Variants in CDKAL1 observed in about 807,000 individuals in gnomAD.
CDKAL1 encodes CDKAL1 threonylcarbamoyladenosine tRNA methylthiotransferase.
In CDKAL1, 32 loss-of-function variants were observed where a neutral mutation model predicts 68.2. The ratio of observed to expected loss-of-function variants is 0.47; its 90% CI spans 0.35 to 0.63. The LOEUF (loss-of-function observed/expected upper bound fraction) is 0.63, where lower values mean the gene tolerates loss of function less well. Among genes scored for constraint, CDKAL1 ranks in the 30% least tolerant of loss-of-function variants. The pLI, the probability that CDKAL1 is intolerant of heterozygous loss-of-function variation, is 0.00. For missense variants in CDKAL1, 606 were observed against 696.7 expected (o/e 0.87, Z 1.47); for synonymous variants, 234 against 244.3 (o/e 0.96, Z 0.39).
chr6:20,608,721 C>T (rs565608817), intron 4 of CDKAL1, among the ~76,000 whole-genome samples: 12 of 152,292 alleles, frequency 7.9e-5, no homozygotes, highest in African/African-American at 2.4e-4. Flanking sequence ...CTTGGGGAAC[C>T]AGGTCAGGAA....
chr6:20,548,546 A>T, intron 3 of CDKAL1, 47 bp from the exon 4 acceptor site: 2 of 876,678 alleles, frequency 2.3e-6, no homozygotes, highest in Non-Finnish European at 1.9e-6. Context: ...AAAAAAAAAA[A>T]TCACTCAATG....
chr6:20,835,641 G>A (rs1057116434), intron 8 of CDKAL1, among the ~76,000 whole-genome samples: 1 of 152,198 alleles, frequency 6.6e-6, no homozygotes, highest in South Asian at 2.1e-4. Context: ...TCTGCCTCCT[G>A]AATTCAAGTG....
chr6:20,593,447 T>C (rs1257303295), intron 4 of CDKAL1, among the ~76,000 whole-genome samples: 1 of 152,160 alleles, frequency 6.6e-6, no homozygotes, highest in Non-Finnish European at 1.5e-5. Flanking sequence ...CAGTTTCTAG[T>C]TTATTTGCTT....
At chr6:20,708,550 T>C (rs767891209) in intron 5 of CDKAL1, among the ~76,000 whole-genome samples, 17 of 152,196 alleles carry the variant, frequency 1.1e-4, no homozygotes, top group African/African-American at 4.1e-4. Flanking sequence ...CTGGGAACTT[T>C]GGTCTTTTCT....
At chr6:21,057,279 T>C (rs1770886885) in intron 11 of CDKAL1, among the ~76,000 whole-genome samples, 1 of 152,200 alleles carries the variant, frequency 6.6e-6, no homozygotes, top group Non-Finnish European at 1.5e-5. Flanking sequence ...AATTTATCCA[T>C]TTCTTCTAGA....
intron 8 of CDKAL1, among the ~76,000 whole-genome samples, chr6:20,811,579 AT>A (rs1306178884): frequency 1.3e-5 from 2 of 151,994 alleles, no homozygotes; most frequent in Non-Finnish European, 2.9e-5. Context: ...TTATCCCCAG[AT>A]TGTGTTGTAA....
chr6:20,662,574 C>T (rs546332742), intron 5 of CDKAL1, among the ~76,000 whole-genome samples: 189 of 152,044 alleles, frequency 1.2e-3, no homozygotes, highest in African/African-American at 4.5e-3. Context: ...GTGTGGCTGC[C>T]CCATATTAAT....
At chr6:20,760,256 A>C (rs951329581) in intron 7 of CDKAL1, among the ~76,000 whole-genome samples, 1 of 152,172 alleles carries the variant, frequency 6.6e-6, no homozygotes, top group African/African-American at 2.4e-5. Context: ...CTGGAATTAC[A>C]GGCATGAGCT....
chr6:21,143,537 A>G (rs958551356), intron 13 of CDKAL1, among the ~76,000 whole-genome samples: 2 of 152,216 alleles, frequency 1.3e-5, no homozygotes, highest in Admixed American at 1.3e-4. Context: ...GGTTTGGGTT[A>G]GAAATTGATA....
intron 13 of CDKAL1, among the ~76,000 whole-genome samples, chr6:21,171,395 A>AGT (rs1333614298): frequency 2.0e-5 from 3 of 151,854 alleles, no homozygotes; most frequent in Admixed American, 6.6e-5. Flanking sequence ...GTATTTTTTT[A>AGT]GTAGAGATGG....
chr6:20,648,370 C>T (rs1768584757), intron 4 of CDKAL1, among the ~76,000 whole-genome samples: 1 of 152,138 alleles, frequency 6.6e-6, no homozygotes, highest in South Asian at 2.1e-4. Flanking sequence ...CCTCATGATC[C>T]ACCCTCCACA....
At chr6:20,754,024 C>T (rs556988950) in intron 6 of CDKAL1, among the ~76,000 whole-genome samples, 15 of 151,958 alleles carry the variant, frequency 9.9e-5, no homozygotes, top group South Asian at 2.1e-4. Context: ...CTGTCACCTA[C>T]GCTGGAGTCC....
At chr6:20,861,318 C>T (rs1220261665) in intron 9 of CDKAL1, among the ~76,000 whole-genome samples, 1 of 152,170 alleles carries the variant, frequency 6.6e-6, no homozygotes, top group African/African-American at 2.4e-5. Flanking sequence ...GGGAGAAGGT[C>T]CCGTCTGATT....
chr6:20,732,512 C>G (rs1408480719), intron 5 of CDKAL1, among the ~76,000 whole-genome samples: 1 of 148,794 alleles, frequency 6.7e-6, no homozygotes, highest in African/African-American at 2.5e-5. Flanking sequence ...GTCTCAAATT[C>G]CTGACCTCAA....
intron 4 of CDKAL1, among the ~76,000 whole-genome samples, chr6:20,582,253 A>G (rs897032018): frequency 9.2e-5 from 14 of 152,144 alleles, no homozygotes; most frequent in South Asian, 4.1e-4. Context: ...TATTTTTTCA[A>G]TTATTTCAGG....
chr6:20,568,597 T>C (rs1449657472), intron 4 of CDKAL1, among the ~76,000 whole-genome samples: 1 of 151,352 alleles, frequency 6.6e-6, no homozygotes, highest in East Asian at 2.0e-4. Context: ...TAGCCGGGCG[T>C]GGTGGCGGGC....
At chr6:21,047,709 TA>T (rs1561987909) in intron 11 of CDKAL1, among the ~76,000 whole-genome samples, 1 of 152,044 alleles carries the variant, frequency 6.6e-6, no homozygotes, top group African/African-American at 2.4e-5. Flanking sequence ...AAAACAGATG[TA>T]AAAAATGTCA....
intron 9 of CDKAL1, among the ~76,000 whole-genome samples, chr6:20,863,278 T>TC (rs1204491990): frequency 2.0e-5 from 3 of 152,126 alleles, no homozygotes; most frequent in Non-Finnish European, 1.5e-5. Flanking sequence ...TCAGCCATCA[T>TC]CTCTCCTCAT....
chr6:21,106,940 CTTTT>C (rs5874802), intron 12 of CDKAL1, among the ~76,000 whole-genome samples: 1 of 117,294 alleles, frequency 8.5e-6, no homozygotes, highest in Non-Finnish European at 1.7e-5. Context: ...GAGAAAGCCA[CTTTT>C]TTTTTTTTTT....
Sources: allele counts gnomAD v4.1 joint callset (sites outside exome capture counted in the v4.1 genomes callset), GRCh38; gene constraint gnomAD v4.1.1; transcripts MANE v1.5; gene names NCBI Gene and HGNC (gene_info 2026-07-23, HGNC 2026-07-21).